The following PPFIA2 variants were observed in gnomAD, a reference collection of about 807,000 sequenced individuals.
The protein encoded by PPFIA2 is liprin-alpha-2.
In PPFIA2, 46 loss-of-function variants were observed where a neutral mutation model predicts 175.5. That is an observed-to-expected ratio of 0.26 (90% CI 0.21 to 0.34). The LOEUF is 0.34. Among genes scored for constraint, PPFIA2 ranks in the 10% least tolerant of loss-of-function variants. The probability of loss-of-function intolerance (pLI) is 1.00; values close to 1 mark genes in which losing one functional copy is unlikely to be tolerated. For missense variants in PPFIA2, 1,179 were observed against 1,506.1 expected, an observed-to-expected ratio of 0.78 and a Z score of 3.60; for synonymous variants, 568 against 511.4, an observed-to-expected ratio of 1.11 and a Z score of -1.49.
intron 11 of PPFIA2, among the ~76,000 whole-genome samples, chr12:81,374,056 T>C (rs2035812809): frequency 1.3e-5 from 2 of 152,038 alleles, no homozygotes; most frequent in Admixed American, 6.6e-5. Context: ...AATATTCAGA[T>C]AGTTGCAGAA....
intron 18 of PPFIA2, among the ~76,000 whole-genome samples, chr12:81,347,005 C>T (rs2140571305): frequency 6.6e-6 from 1 of 152,180 alleles, no homozygotes; most frequent in South Asian, 2.1e-4. Flanking sequence ...TGATAGCTCA[C>T]TGCAGTCTCA....
At chr12:81,393,981 A>T (rs1437044854) in intron 8 of PPFIA2, among the ~76,000 whole-genome samples, 1 of 152,064 alleles carries the variant, frequency 6.6e-6, no homozygotes, top group Admixed American at 6.6e-5. Context: ...CCTGTATGAC[A>T]GTGGGTTATT....
intron 14 of PPFIA2, among the ~76,000 whole-genome samples, chr12:81,364,769 A>G (rs1393437896): frequency 2.0e-5 from 3 of 151,716 alleles, no homozygotes; most frequent in Non-Finnish European, 4.4e-5. Flanking sequence ...ATATCGTGAG[A>G]GTAGAAATAA....
intron 4 of PPFIA2, among the ~76,000 whole-genome samples, chr12:81,598,776 A>G (rs2059512139): frequency 6.6e-6 from 1 of 152,016 alleles, no homozygotes; most frequent in South Asian, 2.1e-4. Flanking sequence ...ATCAAATAAA[A>G]TGTACCAAAT....
intron 7 of PPFIA2, among the ~76,000 whole-genome samples, chr12:81,422,822 T>C (rs1480658723): frequency 6.6e-6 from 1 of 152,096 alleles, no homozygotes; most frequent in East Asian, 1.9e-4. Context: ...CTCCCAAAAC[T>C]GTTGCACTGG....
intron 4 of PPFIA2, among the ~76,000 whole-genome samples, chr12:81,551,004 G>C (rs2067828660): frequency 6.6e-6 from 1 of 151,766 alleles, no homozygotes; most frequent in South Asian, 2.1e-4. Flanking sequence ...TCAAATAAGA[G>C]AGTAAAAAAT....
intron 7 of PPFIA2, among the ~76,000 whole-genome samples, chr12:81,434,922 G>A (rs771109371): frequency 6.6e-6 from 1 of 151,788 alleles, no homozygotes; most frequent in Admixed American, 6.6e-5. Context: ...TAACAGTTTG[G>A]CACTTATATC....
At chr12:81,373,489 G>C (rs977351258) in intron 11 of PPFIA2, among the ~76,000 whole-genome samples, 5 of 151,790 alleles carry the variant, frequency 3.3e-5, no homozygotes, top group African/African-American at 1.2e-4. Flanking sequence ...TGCCAGAGTG[G>C]TTTACTGGCA....
intron 4 of PPFIA2, among the ~76,000 whole-genome samples, chr12:81,488,523 A>G (rs1294883773): frequency 6.6e-6 from 1 of 151,736 alleles, no homozygotes; most frequent in Non-Finnish European, 1.5e-5. Flanking sequence ...ACCTGATACT[A>G]TCTGAGTGAA....
chr12:81,265,912 A>G (rs2136228995), intron 30 of PPFIA2, among the ~76,000 whole-genome samples: 1 of 152,324 alleles, frequency 6.6e-6, no homozygotes, highest in East Asian at 1.9e-4. Flanking sequence ...AATAATTTCT[A>G]GTAAGGATTT....
At chr12:81,308,751 T>A in intron 22 of PPFIA2, among the ~76,000 whole-genome samples, 1 of 152,224 alleles carries the variant, frequency 6.6e-6, no homozygotes, top group East Asian at 1.9e-4. Flanking sequence ...GAACTGTGGC[T>A]TTTCTTTTCT....
rs376853066 is a variant in PPFIA2, at chr12:81,499,905, T to C, written c.304-42039A>G. On this transcript the variant is annotated intron_variant, in intron 4 of 32. Coordinates refer to ENST00000549396, the MANE Select transcript of PPFIA2 (RefSeq NM_003625.5). ...CCTGATGATTTCCTATGCCTAAGTATCTACTTGATAATCTCTCCAAAACGC... is the reference window on the plus strand; with the variant it reads ...CCTGATGATTTCCTATGCCTAAGTACCTACTTGATAATCTCTCCAAAACGC... 1.4e-4 allele frequency among the ~76,000 whole-genome samples: 22 copies of C among 152,160 alleles called. No homozygotes were observed. In the South Asian group the frequency reaches 2.1e-3, roughly 14 times the overall value.
intron 24 of PPFIA2, among the ~76,000 whole-genome samples, chr12:81,290,892 A>G (rs1347802838): frequency 6.6e-6 from 1 of 151,852 alleles, no homozygotes. Flanking sequence ...CAAAACAAAG[A>G]AAATGTCCAA....
At chr12:81,433,156 C>T (rs548328214) in intron 7 of PPFIA2, among the ~76,000 whole-genome samples, 1 of 152,228 alleles carries the variant, frequency 6.6e-6, no homozygotes, top group East Asian at 1.9e-4. Context: ...TCTTCTGTAT[C>T]TTTTCACACC....
intron 4 of PPFIA2, among the ~76,000 whole-genome samples, chr12:81,468,277 C>G (rs1020649517): frequency 1.3e-5 from 2 of 152,060 alleles, no homozygotes; most frequent in Non-Finnish European, 2.9e-5. Context: ...TCTATAAATG[C>G]CCAAAAGATA....
At chr12:81,460,859 A>G (rs1219449063) in intron 4 of PPFIA2, among the ~76,000 whole-genome samples, 4 of 152,040 alleles carry the variant, frequency 2.6e-5, no homozygotes, top group Non-Finnish European at 4.4e-5. Flanking sequence ...AGGCCTAGAG[A>G]AGTTAAGTAC....
At chr12:81,724,944 G>A (rs1177663796) in intron 3 of PPFIA2, among the ~76,000 whole-genome samples, 4 of 150,860 alleles carry the variant, frequency 2.7e-5, no homozygotes, top group African/African-American at 9.7e-5. Flanking sequence ...ACATTCCCAT[G>A]AACAGTGTAT....
chr12:81,642,766 A>ATGTATGTATTATATACATACATGTACG (rs1567689372), intron 4 of PPFIA2, among the ~76,000 whole-genome samples: 47 of 4,178 alleles, frequency 0.011, 17 homozygotes, highest in African/African-American at 0.04. Flanking sequence ...ATACATGTAT[A>ATGTATGTATTATATACATACATGTACG]TGTATGTATG....
intron 4 of PPFIA2, among the ~76,000 whole-genome samples, chr12:81,524,396 C>G (rs576588637): frequency 1.3e-5 from 2 of 152,330 alleles, no homozygotes; most frequent in Non-Finnish European, 2.9e-5. Flanking sequence ...CCCAGTGGGC[C>G]TCAAGGGCAG....
Sources: gnomAD v4.1 joint callset for allele counts (sites outside exome capture counted in the v4.1 genomes callset) on GRCh38, gnomAD v4.1.1 for gene constraint, MANE v1.5 for transcripts, NCBI Gene and HGNC (gene_info 2026-07-23, HGNC 2026-07-21) for gene names.